The following C4orf17 variants were observed in gnomAD, a reference collection of about 807,000 sequenced individuals.
C4orf17 encodes chromosome 4 open reading frame 17, also known as uncharacterized protein C4orf17.
In C4orf17, 25 loss-of-function variants were observed where a neutral mutation model predicts 32.0. The ratio of observed to expected loss-of-function variants is 0.78; its 90% CI spans 0.57 to 1.09. The LOEUF (loss-of-function observed/expected upper bound fraction) is 1.09, where lower values mean the gene tolerates loss of function less well. Ranked by LOEUF, C4orf17 falls within the 50% of genes least tolerant of loss-of-function variation. The probability of loss-of-function intolerance (pLI) is 0.00; values close to 1 mark genes in which losing one functional copy is unlikely to be tolerated. For missense variants in C4orf17, 420 were observed against 420.0 expected, an observed-to-expected ratio of 1.00 and a Z score of 0.00; for synonymous variants, 149 against 145.8, an observed-to-expected ratio of 1.02 and a Z score of -0.16.
chr4:99,529,087 A>G (rs578128685), intron 4 of C4orf17, among the ~76,000 whole-genome samples: 1 of 152,314 alleles, frequency 6.6e-6, no homozygotes, highest in African/African-American at 2.4e-5. Flanking sequence ...AAAGTTAAAT[A>G]TTGTTTTATC....
chr4:99,539,474 G>C, intron 7 of C4orf17, 104 bp downstream of exon 7: 6 of 897,402 alleles, frequency 6.7e-6, no homozygotes, highest in Non-Finnish European at 1.1e-5. Context: ...AGGTTCTAAA[G>C]CTCCGCTTTA....
At chr4:99,520,240 C>G (rs550427287) in intron 2 of C4orf17, among the ~76,000 whole-genome samples, 10 of 147,296 alleles carry the variant, frequency 6.8e-5, no homozygotes, top group African/African-American at 2.5e-4. Context: ...CAGGCGCCTG[C>G]CACTGTGCCC....
intron 2 of C4orf17, among the ~76,000 whole-genome samples, chr4:99,515,968 TAG>T (rs1723173950): frequency 6.6e-6 from 1 of 151,990 alleles, no homozygotes; most frequent in African/African-American, 2.4e-5. Flanking sequence ...AATATGAGGC[TAG>T]AGAGAGTTTG....
At chr4:99,516,021 G>T (rs1194644488) in intron 2 of C4orf17, among the ~76,000 whole-genome samples, 2 of 152,168 alleles carry the variant, frequency 1.3e-5, no homozygotes, top group African/African-American at 4.8e-5. Context: ...GATTAGTATA[G>T]AAGGTGAAGA....
At chr4:99,519,180 C>T (rs1723245096) in intron 2 of C4orf17, 1 of 152,184 alleles carries the variant, frequency 6.6e-6, no homozygotes, top group Non-Finnish European at 1.5e-5. Flanking sequence ...TGTCTCAATT[C>T]CAGATAAGGG....
chr4:99,532,348 C>T lies in C4orf17; in HGVS notation c.546+2390C>T, dbSNP rs373512977. Among the ~76,000 whole-genome samples, 405 of 152,272 alleles carry T rather than the reference C, an allele frequency of 2.7e-3. 16 individuals are homozygous for T. In the South Asian group the frequency reaches 0.061, roughly 23 times the overall value. On this transcript the variant is annotated intron_variant, in intron 5 of 8. Coordinates refer to ENST00000326581, the MANE Select transcript of C4orf17 (RefSeq NM_032149.3). ...GGATAAAGAAAATGTGGTACATATA[C>T]ACCATGGAATACTACACAGCCATAA...
intron 6 of C4orf17, among the ~76,000 whole-genome samples, chr4:99,538,639 C>A (rs1578196765): frequency 6.6e-6 from 1 of 151,886 alleles, no homozygotes; most frequent in South Asian, 2.1e-4. Flanking sequence ...ATAAACTATA[C>A]AAGTAATAAA....
At chr4:99,530,472 C>T (rs1723461293) in intron 5 of C4orf17, among the ~76,000 whole-genome samples, 1 of 152,126 alleles carries the variant, frequency 6.6e-6, no homozygotes, top group African/African-American at 2.4e-5. Flanking sequence ...ACAGTTATTT[C>T]TGAGAATGAT....
At chr4:99,518,948 T>A (rs1264113719) in intron 2 of C4orf17, among the ~76,000 whole-genome samples, 3 of 152,162 alleles carry the variant, frequency 2.0e-5, no homozygotes. Flanking sequence ...TATTTTTTCA[T>A]AGTACTGTAT....
chr4:99,518,550 G>T (rs866901533), intron 2 of C4orf17, among the ~76,000 whole-genome samples: 4,117 of 68,164 alleles, frequency 0.06, 77 homozygotes, highest in African/African-American at 0.07. Flanking sequence ...TATATAGAGA[G>T]AGAGAGAGAG....
intron 5 of C4orf17, 126 bp from the exon 6 acceptor site, chr4:99,537,543 T>C: frequency 1.5e-6 from 1 of 681,198 alleles, no homozygotes; most frequent in East Asian, 2.6e-5. Context: ...AAAATCCCAA[T>C]TAACTAAATT....
Position 99,522,592 on chromosome 4 carries a change from A to G in C4orf17, c.220A>G (p.Asn74Asp), listed in dbSNP as rs750490306. 2.5e-6 allele frequency: 4 copies of G among 1,613,992 alleles called. No individual in the cohort carries two copies. In the Admixed American group the frequency reaches 6.7e-5, roughly 27 times the overall value. ...GVGQSNYLEKNRIPFANCSYP... is the reference protein window; with the variant it reads ...GVGQSNYLEKDRIPFANCSYP... ...TGGCCAGTCTAACTACTTAGAGAAG[A>G]ACAGGATACCATTTGCCAATTGCAG... The change falls in exon 3 of 9, where the codon AAC becomes GAC. Residue 74 changes from asparagine (N) to aspartate (D), a missense_variant. Transcript: ENST00000326581.
intron 4 of C4orf17, among the ~76,000 whole-genome samples, chr4:99,526,677 C>T (rs1411777825): frequency 7.0e-6 from 1 of 143,730 alleles, no homozygotes; most frequent in African/African-American, 2.6e-5. Context: ...TAGCTATAGG[C>T]TATTTGGGTT....
At chr4:99,524,475 CTT>C (rs745787090) in intron 3 of C4orf17, 44 bp from the exon 4 acceptor site, 3 of 1,173,114 alleles carry the variant, frequency 2.6e-6, no homozygotes, top group Middle Eastern at 2.3e-4. Flanking sequence ...GATATAAATT[CTT>C]TTTCAGTTTA....
intron 4 of C4orf17, among the ~76,000 whole-genome samples, chr4:99,528,887 G>T (rs1392874847): frequency 6.6e-6 from 1 of 152,000 alleles, no homozygotes; most frequent in Non-Finnish European, 1.5e-5. Flanking sequence ...GGGACACAGA[G>T]CCAACCATAT....
intron 4 of C4orf17, among the ~76,000 whole-genome samples, chr4:99,525,326 A>G (rs1723368832): frequency 6.6e-6 from 1 of 152,134 alleles, no homozygotes; most frequent in South Asian, 2.1e-4. Flanking sequence ...GTCTTCCCCA[A>G]GCTTAGAATG....
intron 7 of C4orf17, among the ~76,000 whole-genome samples, chr4:99,539,942 A>G (rs1203033238): frequency 6.6e-6 from 1 of 152,118 alleles, no homozygotes; most frequent in African/African-American, 2.4e-5. Flanking sequence ...CAGAAGAAAA[A>G]TATATATTTA....
intron 2 of C4orf17, among the ~76,000 whole-genome samples, chr4:99,514,474 T>C (rs114324608): frequency 6.6e-6 from 1 of 151,904 alleles, no homozygotes; most frequent in Non-Finnish European, 1.5e-5. Flanking sequence ...CAAAAGAAGA[T>C]CTACAGACAG....
intron 2 of C4orf17, among the ~76,000 whole-genome samples, chr4:99,516,984 A>G (rs1340522137): frequency 7.1e-6 from 1 of 141,602 alleles, no homozygotes; most frequent in Non-Finnish European, 1.5e-5. Context: ...AAGTAACTGG[A>G]AAGTCCATCA....
Sources: gnomAD v4.1 joint callset for allele counts (sites outside exome capture counted in the v4.1 genomes callset) on GRCh38, gnomAD v4.1.1 for gene constraint, MANE v1.5 for transcripts, NCBI Gene and HGNC (gene_info 2026-07-23, HGNC 2026-07-21) for gene names.